Variants in ARHGAP24 observed in about 807,000 individuals in gnomAD.
ARHGAP24 encodes Rho GTPase activating protein 24.
ARHGAP24 carries 50 observed loss-of-function variants against 76.4 expected under a neutral mutation model. The ratio of observed to expected loss-of-function variants is 0.65; its 90% CI spans 0.52 to 0.83. The LOEUF (loss-of-function observed/expected upper bound fraction) is 0.83, where lower values mean the gene tolerates loss of function less well. Among genes scored for constraint, ARHGAP24 ranks in the 40% least tolerant of loss-of-function variants. ARHGAP24 has a pLI of 0.00. For missense variants in ARHGAP24, 930 were observed against 914.2 expected (o/e 1.02, Z -0.22); for synonymous variants, 345 against 323.3 (o/e 1.07, Z -0.72).
At position 85,581,461 on chromosome 4, in the gene ARHGAP24, T is replaced by C. The variant is rs57967161; in HGVS notation, c.180+10740T>C. Among the ~76,000 whole-genome samples, 943 of 152,294 alleles carry C rather than the reference T, an allele frequency of 6.2e-3. 13 individuals carry two copies. Among genetic ancestry groups the C allele is most frequent in the African/African-American group, 0.022 (902 of 41,582 alleles). ...TAAAATAGTGCAGATAAACTTGTTCTACTTTGTGGCCAATCCTGAGAAAAT... is the reference window on the plus strand; with the variant it reads ...TAAAATAGTGCAGATAAACTTGTTCCACTTTGTGGCCAATCCTGAGAAAAT... On this transcript the variant is annotated intron_variant, in intron 2 of 9. Coordinates refer to ENST00000395184, the MANE Select transcript of ARHGAP24 (RefSeq NM_001025616.3).
intron 2 of ARHGAP24, among the ~76,000 whole-genome samples, chr4:85,672,487 C>G (rs1004803999): frequency 6.6e-6 from 1 of 152,172 alleles, no homozygotes; most frequent in Admixed American, 6.5e-5. Context: ...CCTACCTATC[C>G]GTCCCATCCT....
intron 3 of ARHGAP24, among the ~76,000 whole-genome samples, chr4:85,803,651 T>C (rs901399862): frequency 3.9e-5 from 6 of 152,256 alleles, no homozygotes; most frequent in African/African-American, 1.4e-4. Context: ...ACAATATCCC[T>C]TGTGCCATTT....
intron 1 of ARHGAP24, among the ~76,000 whole-genome samples, chr4:85,525,247 G>A (rs953199989): frequency 7.3e-6 from 1 of 136,130 alleles, no homozygotes; most frequent in African/African-American, 2.8e-5. Flanking sequence ...ATGTGCTTAT[G>A]TATTATCGGC....
chr4:85,488,328 T>C (rs1312719957), intron 1 of ARHGAP24, among the ~76,000 whole-genome samples: 1 of 152,090 alleles, frequency 6.6e-6, no homozygotes, highest in East Asian at 1.9e-4. Flanking sequence ...TGGTGAAAGT[T>C]TAGATTAGAG....
At chr4:85,802,818 G>T (rs1032356749) in intron 3 of ARHGAP24, among the ~76,000 whole-genome samples, 21 of 152,026 alleles carry the variant, frequency 1.4e-4, no homozygotes, top group Non-Finnish European at 2.2e-4. Context: ...ACAAAAAACC[G>T]AAACTTTAGT....
chr4:85,979,012 A>G (rs943241502), intron 8 of ARHGAP24, among the ~76,000 whole-genome samples: 3 of 152,152 alleles, frequency 2.0e-5, no homozygotes, highest in Non-Finnish European at 2.9e-5. Context: ...TTGAAAAATC[A>G]TGTTATTTCA....
intron 3 of ARHGAP24, among the ~76,000 whole-genome samples, chr4:85,780,009 C>G (rs1578219256): frequency 6.6e-6 from 1 of 152,136 alleles, no homozygotes; most frequent in Non-Finnish European, 1.5e-5. Flanking sequence ...GTTTTGAGCT[C>G]TCTCTGGAGG....
intron 1 of ARHGAP24, among the ~76,000 whole-genome samples, chr4:85,525,152 C>A (rs535604551): frequency 5.2e-4 from 79 of 151,870 alleles, no homozygotes; most frequent in Admixed American, 9.2e-4. Flanking sequence ...TCTTTGATAC[C>A]AAATTGCAGT....
At chr4:85,911,227 G>T (rs72972060) in intron 3 of ARHGAP24, among the ~76,000 whole-genome samples, 1 of 152,106 alleles carries the variant, frequency 6.6e-6, no homozygotes, top group Non-Finnish European at 1.5e-5. Context: ...GGGAGCTCCC[G>T]CCCTAACTCG....
chr4:85,482,290 T>C (rs1203903996), intron 1 of ARHGAP24, among the ~76,000 whole-genome samples: 2 of 152,262 alleles, frequency 1.3e-5, no homozygotes, highest in African/African-American at 4.8e-5. Context: ...ATATGTGTTA[T>C]ACAGCAGATC....
At chr4:85,678,371 A>AAAAC (rs1477533949) in intron 2 of ARHGAP24, among the ~76,000 whole-genome samples, 1 of 152,236 alleles carries the variant, frequency 6.6e-6, no homozygotes, top group African/African-American at 2.4e-5. Context: ...CTCTGTCTCT[A>AAAAC]AAACAAACAA....
chr4:85,923,593 A>T (rs925690388), intron 3 of ARHGAP24, 55 bp from the exon 4 acceptor site: 130 of 1,611,078 alleles, frequency 8.1e-5, no homozygotes, highest in Admixed American at 5.2e-4. Context: ...CTGGAGGCTG[A>T]TCATGAGGAA....
At position 85,528,475 on chromosome 4, in the gene ARHGAP24, G is replaced by A. The variant is rs565184392; in HGVS notation, c.-20-42047G>A. On this transcript the variant is annotated intron_variant, in intron 1 of 9. Transcript: ENST00000395184. ...CAATATGGATTGGAGGGAGAAAGAT[G>A]GGGATGGAAGATCAGATGGCAATTG... Among the ~76,000 whole-genome samples, 6 of 152,102 alleles carry A rather than the reference G, an allele frequency of 3.9e-5. No homozygotes were observed. The South Asian group carries it at 1.2e-3, about 32-fold the overall frequency.
chr4:85,895,001 CAAAAAAAAAAAA>C (rs1222078793), intron 3 of ARHGAP24, among the ~76,000 whole-genome samples: 7 of 54,342 alleles, frequency 1.3e-4, no homozygotes, highest in Middle Eastern at 0.012. Context: ...AAACAAAAAG[CAAAAAAAAAAAA>C]AAAAAAAAGA....
chr4:85,600,868 C>T (rs1441974916), intron 2 of ARHGAP24, among the ~76,000 whole-genome samples: 2 of 152,126 alleles, frequency 1.3e-5, no homozygotes, highest in African/African-American at 2.4e-5. Flanking sequence ...AAACGTTTTT[C>T]GTTTTGCTTT....
At chr4:85,698,267 G>A (rs1043023880) in intron 2 of ARHGAP24, among the ~76,000 whole-genome samples, 1 of 152,300 alleles carries the variant, frequency 6.6e-6, no homozygotes, top group Non-Finnish European at 1.5e-5. Context: ...CTGGACCCAT[G>A]GAAGGTTGGC....
intron 3 of ARHGAP24, among the ~76,000 whole-genome samples, chr4:85,900,721 C>T (rs558424105): frequency 1.6e-4 from 25 of 152,252 alleles, no homozygotes; most frequent in African/African-American, 5.5e-4. Context: ...CCACTGCGCC[C>T]GGCTGGGAAG....
At chr4:85,711,932 G>A (rs183780704) in intron 2 of ARHGAP24, among the ~76,000 whole-genome samples, 5 of 152,060 alleles carry the variant, frequency 3.3e-5, no homozygotes, top group South Asian at 4.1e-4. Context: ...CTAGAGTTTC[G>A]CATAGTAAAT....
chr4:85,896,218 T>C (rs1397046885), intron 3 of ARHGAP24, among the ~76,000 whole-genome samples: 5 of 152,226 alleles, frequency 3.3e-5, no homozygotes, highest in East Asian at 3.8e-4. Context: ...GTTTAACTTT[T>C]TGATTTTAGG....
Sources: gnomAD v4.1 joint callset for allele counts (sites outside exome capture counted in the v4.1 genomes callset) on GRCh38, gnomAD v4.1.1 for gene constraint, MANE v1.5 for transcripts, NCBI Gene and HGNC (gene_info 2026-07-23, HGNC 2026-07-21) for gene names.